The following PSD2 variants were observed in gnomAD, a reference collection of about 807,000 sequenced individuals.
The protein encoded by PSD2 is PH and SEC7 domain-containing protein 2.
In PSD2, 38 loss-of-function variants were observed where a neutral mutation model predicts 69.8. That is an observed-to-expected ratio of 0.54 (90% confidence interval 0.42 to 0.71). PSD2 has a LOEUF of 0.71. PSD2 is among the 30% of genes least tolerant of loss of function. The pLI is 0.00. For synonymous variants in PSD2, 412 were observed against 423.0 expected, an observed-to-expected ratio of 0.97 and a Z score of 0.32; for missense variants, 943 against 1,014.5, an observed-to-expected ratio of 0.93 and a Z score of 0.96.
the PSD2 span, among the ~76,000 whole-genome samples, chr5:139,749,468 G>T: frequency 6.6e-6 from 1 of 152,240 alleles, no homozygotes; most frequent in Non-Finnish European, 1.5e-5. Flanking sequence ...CAGCTAGGAT[G>T]TGCTGGCCCT....
rs1234516115 is a variant in PSD2, at chr5:139,833,686, C to A, written c.1270-16C>A. On this transcript the variant is annotated splice_polypyrimidine_tract_variant and intron_variant, in intron 7 of 14. Transcript: ENST00000274710. ...CTCCTTCCCTACTCTTAGGCAGAAC[C>A]ATTTCTCCATTACAGAACATTGGCA... The A allele has an allele frequency of 1.9e-6, 3 of 1,600,168 alleles. No homozygotes were observed. The highest frequency in any genetic ancestry group is 2.6e-6 in the Non-Finnish European group (3 of 1,167,502).
intron 2 of PSD2, among the ~76,000 whole-genome samples, chr5:139,811,941 C>G (rs541564014): frequency 6.6e-6 from 1 of 152,136 alleles, no homozygotes; most frequent in Admixed American, 6.6e-5. Context: ...GTTGTCCTCT[C>G]GTATCCCTTT....
chr5:139,839,976 TC>T lies in PSD2; in HGVS notation c.1969-49del. On this transcript the variant is annotated intron_variant, in intron 13 of 14. Coordinates refer to ENST00000274710, the MANE Select transcript of PSD2 (RefSeq NM_032289.4). This position sits in a 1 kb window ranked among gnomAD's most constrained non-coding sequence, Gnocchi z 5.1. ...CCTGGTAGAACAGGATTTGAGCCAC[TC>T]CGTGACATCCTGAGAGTAAGGCCTC... is the stretch of plus-strand genomic sequence containing the variant. The T allele has an allele frequency of 6.2e-7, 1 of 1,605,926 alleles. No homozygotes were observed. The highest frequency in any genetic ancestry group is 1.1e-5 in the South Asian group (1 of 89,950).
chr5:139,799,358 T>C lies in PSD2; in HGVS notation c.-51+3383T>C, dbSNP rs1293706117. Among the ~76,000 whole-genome samples, 3 of 151,882 alleles carry C rather than the reference T, an allele frequency of 2.0e-5. No homozygotes were observed. In the East Asian group the frequency reaches 5.8e-4, roughly 29 times the overall value. ...TTTCAGGGAGCTCAAAACTTCAGGG[T>C]TGGGAGTGGGGGAGCCACAACTCAG... On this transcript the variant is annotated intron_variant, in intron 1 of 14. Transcript: ENST00000274710.
At chr5:139,746,677 A>T in the PSD2 span, among the ~76,000 whole-genome samples, 1 of 152,184 alleles carries the variant, frequency 6.6e-6, no homozygotes, top group Admixed American at 6.5e-5. The surrounding 1 kb of genome is among the most constrained non-coding windows in gnomAD (Gnocchi z 4.5). Flanking sequence ...CGCTGGACTG[A>T]TGCGCGAGGG....
intron 5 of PSD2, among the ~76,000 whole-genome samples, chr5:139,820,738 G>A (rs1239211112): frequency 6.6e-6 from 1 of 152,214 alleles, no homozygotes; most frequent in Non-Finnish European, 1.5e-5. Context: ...GAGATTCAGA[G>A]CTGCCCAGCA....
intron 9 of PSD2, among the ~76,000 whole-genome samples, chr5:139,836,129 A>C (rs538823663): frequency 7.0e-4 from 107 of 152,348 alleles, no homozygotes; most frequent in Non-Finnish European, 1.4e-3. Flanking sequence ...AACCTGGAGA[A>C]TATGACCACG....
upstream of PSD2, among the ~76,000 whole-genome samples, chr5:139,794,930 T>C (rs571254650): frequency 5.4e-4 from 82 of 152,282 alleles, no homozygotes; most frequent in South Asian, 0.017. Context: ...GTTAGAGTCC[T>C]GGGCTGAGGG....
In PSD2 at chr5:139,814,118, C is replaced by A. The variant is rs1474900855; in HGVS notation, c.822-52C>A. 1.9e-6 allele frequency: 3 copies of A among 1,575,872 alleles called. No homozygotes were observed. Among genetic ancestry groups the A allele is most frequent in the South Asian group, 1.1e-5 (1 of 88,010 alleles). ...GGAAACCTCCCAGCCTCCTCTGGGG[C>A]CTTTGACCCTGGGCCTCTGACGCTA... On this transcript the variant is annotated intron_variant, in intron 3 of 14. Coordinates refer to ENST00000274710, the MANE Select transcript of PSD2 (RefSeq NM_032289.4). The surrounding 1 kb of genome is among the most constrained non-coding windows in gnomAD (Gnocchi z 4.4).
upstream of PSD2, among the ~76,000 whole-genome samples, chr5:139,793,267 C>T (rs1232110470): frequency 2.0e-5 from 3 of 152,142 alleles, no homozygotes; most frequent in South Asian, 2.1e-4. Flanking sequence ...TTTCAGGAGG[C>T]GAAGGTAGCC....
At chr5:139,790,737 C>T in the PSD2 span, among the ~76,000 whole-genome samples, 1 of 152,130 alleles carries the variant, frequency 6.6e-6, no homozygotes, top group Admixed American at 6.5e-5. Context: ...GCACCATGTA[C>T]AAACTTTAGA....
At chr5:139,823,309 G>A (rs1041971877) in intron 7 of PSD2, among the ~76,000 whole-genome samples, 7 of 151,958 alleles carry the variant, frequency 4.6e-5, no homozygotes, top group South Asian at 2.1e-4. Context: ...TCTTGCCCTC[G>A]CAGGTGGTAA....
chr5:139,747,625 G>A, the PSD2 span, among the ~76,000 whole-genome samples: 1 of 152,236 alleles, frequency 6.6e-6, no homozygotes, highest in African/African-American at 2.4e-5. The surrounding 1 kb of genome is among the most constrained non-coding windows in gnomAD (Gnocchi z 6.7). Context: ...GAGCGGTGTC[G>A]GCCCTGCCCG....
chr5:139,778,759 CA>C, the PSD2 span, among the ~76,000 whole-genome samples: 17 of 144,730 alleles, frequency 1.2e-4, no homozygotes, highest in South Asian at 2.2e-4. Context: ...CCCATCTCTC[CA>C]AAAAAAAAAG....
intron 7 of PSD2, among the ~76,000 whole-genome samples, chr5:139,823,442 T>C (rs2126951337): frequency 6.6e-6 from 1 of 152,298 alleles, no homozygotes; most frequent in Non-Finnish European, 1.5e-5. Flanking sequence ...CCCATGGTGG[T>C]TGGAGCCCCC....
rs1759895758 is a variant in PSD2, at chr5:139,809,487, C to A, written c.47C>A (p.Ala16Asp). ...LLSAVPEEGDATRDPGPEPEE... is the reference protein window; with the variant it reads ...LLSAVPEEGDDTRDPGPEPEE... ...TCTGCAGTGCCTGAGGAAGGCGATG[C>A]CACCCGTGACCCCGGTCCAGAGCCT... The change falls in exon 2 of 15, where the codon GCC becomes GAC. Residue 16 changes from alanine to aspartate, a missense_variant. Coordinates refer to ENST00000274710, the MANE Select transcript of PSD2 (RefSeq NM_032289.4). 1.2e-6 allele frequency: 2 copies of A among 1,612,482 alleles called. No homozygotes were observed. Among genetic ancestry groups the A allele is most frequent in the South Asian group, 1.1e-5 (1 of 90,798 alleles).
rs527423950 is a variant in PSD2, at chr5:139,813,649, C to T, written c.712C>T (p.Leu238=). The T allele has an allele frequency of 4.5e-5, 72 of 1,613,978 alleles. No individual in the cohort carries two copies. In the African/African-American group the frequency reaches 8.0e-4, roughly 18 times the overall value. The change falls in exon 3 of 15, where the codon CTG becomes TTG. Residue 238 remains leucine, a synonymous_variant. Transcript: ENST00000274710. ...CCGCTCTGAGAATGTCCTGAGCCGC[C>T]TGTCTCTCATGGCCATGCCCAATGG... ...SSRSENVLSR[L]SLMAMPNGFH...
At chr5:139,778,049 A>T in the PSD2 span, among the ~76,000 whole-genome samples, 10 of 152,366 alleles carry the variant, frequency 6.6e-5, no homozygotes, top group Admixed American at 1.3e-4. Flanking sequence ...CAGAATGAAG[A>T]AGCGAGGGCT....
the PSD2 span, among the ~76,000 whole-genome samples, chr5:139,749,174 G>T: frequency 1.3e-5 from 2 of 152,138 alleles, no homozygotes; most frequent in African/African-American, 4.8e-5. Flanking sequence ...GCTTTGCTCA[G>T]TCGGTTCCCC....
Sources: allele counts gnomAD v4.1 joint callset (sites outside exome capture counted in the v4.1 genomes callset), GRCh38; gene constraint gnomAD v4.1.1; non-coding constraint Gnocchi (gnomAD v3.1); transcripts MANE v1.5; gene names NCBI Gene and HGNC (gene_info 2026-07-23, HGNC 2026-07-21).